Variants in DPP6 observed in about 807,000 individuals in gnomAD.
The protein encoded by DPP6 is dipeptidyl peptidase like 6.
DPP6 carries 69 observed loss-of-function variants against 122.6 expected under a neutral mutation model. That is an observed-to-expected ratio of 0.56 (90% CI 0.46 to 0.69). The LOEUF is 0.69. Ranked by LOEUF, DPP6 falls within the 30% of genes least tolerant of loss-of-function variation. The probability of loss-of-function intolerance (pLI) is 0.00; values close to 1 mark genes in which losing one functional copy is unlikely to be tolerated. For synonymous variants in DPP6, 418 were observed against 433.1 expected (o/e 0.97, Z 0.43); for missense variants, 928 against 1,116.9 (o/e 0.83, Z 2.41).
chr7:154,060,764 T>A (rs1268533608), intron 1 of DPP6, among the ~76,000 whole-genome samples: 2 of 127,296 alleles, frequency 1.6e-5, no homozygotes, highest in East Asian at 4.5e-4. Context: ...CAGTCCCTCT[T>A]CCCCCCCTGG....
chr7:154,545,282 T>G (rs916902828), intron 4 of DPP6, among the ~76,000 whole-genome samples: 8 of 150,772 alleles, frequency 5.3e-5, no homozygotes, highest in African/African-American at 2.0e-4. Flanking sequence ...ATGTATCTTG[T>G]TTTTTTTTCC....
At chr7:154,257,242 G>T (rs971554223) in intron 1 of DPP6, among the ~76,000 whole-genome samples, 1 of 151,906 alleles carries the variant, frequency 6.6e-6, no homozygotes, top group Admixed American at 6.6e-5. Flanking sequence ...TCCTGCTTGG[G>T]TTCTTTAGCA....
At chr7:154,667,066 C>T (rs1838213320) in intron 6 of DPP6, among the ~76,000 whole-genome samples, 1 of 152,134 alleles carries the variant, frequency 6.6e-6, no homozygotes, top group Non-Finnish European at 1.5e-5. Flanking sequence ...TTAATTCCTA[C>T]TTCCTTAATT....
intron 1 of DPP6, among the ~76,000 whole-genome samples, chr7:154,433,427 C>G (rs1818610734): frequency 6.6e-6 from 1 of 151,838 alleles, no homozygotes; most frequent in Non-Finnish European, 1.5e-5. Flanking sequence ...CCTCAGCCTC[C>G]CGAAGTGCTG....
At chr7:154,710,778 C>T (rs958685100) in intron 7 of DPP6, among the ~76,000 whole-genome samples, 2 of 152,154 alleles carry the variant, frequency 1.3e-5, no homozygotes, top group Non-Finnish European at 2.9e-5. Context: ...TAGAGTGTTC[C>T]AGTGACAGGA....
chr7:153,888,474 C>G lies in DPP6; in HGVS notation c.51+740C>G, dbSNP rs1799041203. On this transcript the variant is annotated intron_variant, in intron 1 of 25. Coordinates refer to the DPP6 transcript ENST00000404039. ...GCCTCCCCAGCGAGCCCACCCGCCTCGCCGCTCCCCGCTGACCCGCGCGGC... is the reference window on the plus strand; with the variant it reads ...GCCTCCCCAGCGAGCCCACCCGCCTGGCCGCTCCCCGCTGACCCGCGCGGC... Among the ~76,000 whole-genome samples, 3 of 152,186 alleles carry G rather than the reference C, an allele frequency of 2.0e-5. No homozygotes were observed. In the South Asian group the frequency reaches 6.2e-4, roughly 31 times the overall value.
intron 1 of DPP6, among the ~76,000 whole-genome samples, chr7:153,950,531 A>T (rs1802161809): frequency 6.6e-6 from 1 of 152,122 alleles, no homozygotes; most frequent in South Asian, 2.1e-4. Flanking sequence ...GACTGGTGAG[A>T]AGTGAGGGTG....
chr7:154,267,973 A>G (rs1211975144), intron 1 of DPP6, among the ~76,000 whole-genome samples: 6 of 151,492 alleles, frequency 4.0e-5, no homozygotes, highest in African/African-American at 7.3e-5. Flanking sequence ...ACACACGTAT[A>G]TGCGCACATA....
At chr7:154,704,843 G>T (rs1337809446) in intron 7 of DPP6, among the ~76,000 whole-genome samples, 1 of 152,168 alleles carries the variant, frequency 6.6e-6, no homozygotes, top group Non-Finnish European at 1.5e-5. Context: ...TCACTTTATT[G>T]TGGTGGTTGG....
chr7:154,387,323 G>A (rs1814205725), intron 1 of DPP6, among the ~76,000 whole-genome samples: 1 of 152,172 alleles, frequency 6.6e-6, no homozygotes, highest in Non-Finnish European at 1.5e-5. Context: ...GGAACTGAAA[G>A]ACTAGGAGGG....
intron 1 of DPP6, among the ~76,000 whole-genome samples, chr7:153,928,606 A>G (rs1449890388): frequency 6.6e-6 from 1 of 151,534 alleles, no homozygotes; most frequent in Admixed American, 6.6e-5. Context: ...CAGGGGACGA[A>G]GAAGATCCTT....
intron 5 of DPP6, among the ~76,000 whole-genome samples, chr7:154,586,645 A>C (rs551861971): frequency 1.3e-5 from 2 of 152,288 alleles, no homozygotes; most frequent in East Asian, 3.9e-4. Context: ...AGATTAGCTA[A>C]GCCAGAAAAA....
At chr7:154,273,190 A>G (rs1803906938) in intron 1 of DPP6, among the ~76,000 whole-genome samples, 1 of 152,118 alleles carries the variant, frequency 6.6e-6, no homozygotes, top group Non-Finnish European at 1.5e-5. Flanking sequence ...AATTCCCAAT[A>G]ATGTAGAGAG....
chr7:154,137,136 C>T (rs1795595937), intron 1 of DPP6, among the ~76,000 whole-genome samples: 1 of 152,140 alleles, frequency 6.6e-6, no homozygotes, highest in South Asian at 2.1e-4. Flanking sequence ...AGATAAATGA[C>T]CATAAAACGT....
chr7:154,191,990 A>AG (rs2150767183), intron 1 of DPP6, among the ~76,000 whole-genome samples: 1 of 152,340 alleles, frequency 6.6e-6, no homozygotes, highest in East Asian at 1.9e-4. Context: ...GAGAAAAAAA[A>AG]CCACACACAA....
chr7:153,789,606 T>A, the DPP6 span, among the ~76,000 whole-genome samples: 1 of 152,162 alleles, frequency 6.6e-6, no homozygotes, highest in African/African-American at 2.4e-5. Context: ...AGTAATGGTA[T>A]AATGAATAAT....
chr7:154,295,649 C>G (rs926216467), intron 1 of DPP6, among the ~76,000 whole-genome samples: 13 of 151,502 alleles, frequency 8.6e-5, no homozygotes, highest in African/African-American at 3.2e-4. Context: ...TTCCTTATTT[C>G]CCTCATAATC....
At chr7:154,071,614 A>G (rs1431010731) in intron 1 of DPP6, among the ~76,000 whole-genome samples, 1 of 150,752 alleles carries the variant, frequency 6.6e-6, no homozygotes, top group Non-Finnish European at 1.5e-5. Context: ...CCAGCTGTAT[A>G]ATTATCAAGG....
intron 3 of DPP6, among the ~76,000 whole-genome samples, chr7:154,538,102 AG>A (rs1222446644): frequency 2.0e-5 from 3 of 152,194 alleles, no homozygotes; most frequent in African/African-American, 7.2e-5. Context: ...AACTGTTAAA[AG>A]TACCGGAATG....
Sources: allele counts gnomAD v4.1 joint callset (sites outside exome capture counted in the v4.1 genomes callset), GRCh38; gene constraint gnomAD v4.1.1; transcripts MANE v1.5; gene names NCBI Gene and HGNC (gene_info 2026-07-23, HGNC 2026-07-21).